The following PRMT8 variants were observed in gnomAD, a reference collection of about 807,000 sequenced individuals.
PRMT8 encodes the protein protein arginine methyltransferase 8, also known as protein arginine N-methyltransferase 8.
PRMT8 carries 7 observed loss-of-function variants against 47.1 expected under a neutral mutation model. The observed-to-expected ratio is 0.15, with a 90% CI of 0.08 to 0.28. The LOEUF is 0.28. Ranked by LOEUF, PRMT8 falls within the 10% of genes least tolerant of loss-of-function variation. The pLI, the probability that PRMT8 is intolerant of heterozygous loss-of-function variation, is 1.00. For missense variants in PRMT8, 237 were observed against 505.4 expected (o/e 0.47, Z 5.09); for synonymous variants, 188 against 186.5 (o/e 1.01, Z -0.07).
intron 1 of PRMT8, among the ~76,000 whole-genome samples, chr12:3,481,267 G>C (rs546945077): frequency 6.6e-6 from 1 of 152,304 alleles, no homozygotes; most frequent in African/African-American, 2.4e-5. Flanking sequence ...CCCTTGCATG[G>C]ATTGACCTTT....
chr12:3,550,159 C>T lies in PRMT8; in HGVS notation c.417+68C>T, dbSNP rs3741937. 53,486 of 1,582,500 alleles carry T rather than the reference C, an allele frequency of 0.034. 1,119 individuals carry two copies. The highest frequency in any genetic ancestry group is 0.086 in the East Asian group (3,822 of 44,306). ...CAGCCTCTTGCCCTCTGCCTCCACCCGCCCTTCTAGAAGTACAAAATTTGG... is the reference window on the plus strand; with the variant it reads ...CAGCCTCTTGCCCTCTGCCTCCACCTGCCCTTCTAGAAGTACAAAATTTGG... On this transcript the variant is annotated intron_variant, in intron 3 of 9. Coordinates refer to ENST00000382622, the MANE Select transcript of PRMT8 (RefSeq NM_019854.5). This position sits in a 1 kb window ranked among gnomAD's most constrained non-coding sequence, Gnocchi z 5.1.
Position 3,566,729 on chromosome 12 carries a change from G to T in PRMT8, c.482-1977G>T, listed in dbSNP as rs1167743930. ...GAAACTCAGATTCTAGGCAGATGTG[G>T]TTCTTTTGATTTTTACTCCTAAGTA... On this transcript the variant is annotated intron_variant, in intron 4 of 9. Coordinates refer to ENST00000382622, the MANE Select transcript of PRMT8 (RefSeq NM_019854.5). The surrounding 1 kb of genome is among the most constrained non-coding windows in gnomAD (Gnocchi z 4.7). 1.3e-5 allele frequency among the ~76,000 whole-genome samples: 2 copies of T among 152,160 alleles called. No individual in the cohort carries two copies. Among genetic ancestry groups the T allele is most frequent in the Non-Finnish European group, 2.9e-5 (2 of 68,028 alleles).
chr12:3,406,173 G>A (rs1864371068), intron 1 of PRMT8, among the ~76,000 whole-genome samples: 1 of 152,232 alleles, frequency 6.6e-6, no homozygotes, highest in Non-Finnish European at 1.5e-5. Context: ...GGCTTGAGCT[G>A]TACTTTGGCC....
At chr12:3,447,369 G>T (rs191181365) in intron 1 of PRMT8, among the ~76,000 whole-genome samples, 194 of 152,242 alleles carry the variant, frequency 1.3e-3, no homozygotes, top group Non-Finnish European at 1.8e-3. Flanking sequence ...TGTTGGGGGT[G>T]CACTCCAGTC....
chr12:3,585,247 T>C (rs1014971552), intron 8 of PRMT8, among the ~76,000 whole-genome samples: 30 of 149,866 alleles, frequency 2.0e-4, no homozygotes, highest in African/African-American at 7.4e-4. Context: ...GGTGAGGAGG[T>C]GAGTAGTTGT....
intron 4 of PRMT8, among the ~76,000 whole-genome samples, chr12:3,555,391 C>T (rs1281176042): frequency 6.6e-6 from 1 of 152,158 alleles, no homozygotes; most frequent in Non-Finnish European, 1.5e-5. Context: ...GCATCTCAGA[C>T]AGAAGTTACA....
chr12:3,397,738 C>A (rs1009092868), intron 1 of PRMT8, among the ~76,000 whole-genome samples: 5 of 152,056 alleles, frequency 3.3e-5, no homozygotes, highest in African/African-American at 1.2e-4. Flanking sequence ...GTGGGCTCCC[C>A]CCAGTTCGTG....
intron 1 of PRMT8, among the ~76,000 whole-genome samples, chr12:3,400,455 C>T (rs1864305030): frequency 6.6e-6 from 1 of 152,052 alleles, no homozygotes; most frequent in South Asian, 2.1e-4. Flanking sequence ...CAAGACAGAA[C>T]CAGGAAGAGA....
intron 1 of PRMT8, among the ~76,000 whole-genome samples, chr12:3,419,567 A>C (rs984033559): frequency 2.0e-5 from 3 of 151,976 alleles, no homozygotes; most frequent in Admixed American, 6.6e-5. Flanking sequence ...TTGCCTAAGC[A>C]ATCACCAAGA....
At chr12:3,547,642 C>T (rs967644371) in intron 2 of PRMT8, among the ~76,000 whole-genome samples, 33 of 152,248 alleles carry the variant, frequency 2.2e-4, no homozygotes, top group African/African-American at 7.9e-4. Context: ...TAGCCAGTCT[C>T]ATAACCCAGC....
intron 1 of PRMT8, among the ~76,000 whole-genome samples, chr12:3,473,396 G>C (rs7980335): frequency 0.072 from 11,017 of 152,200 alleles, 497 homozygotes; most frequent in Non-Finnish European, 0.1. Context: ...CAATGGTGCT[G>C]CCTCTGGTTC....
chr12:3,383,877 ATGCT>A (rs1405000941), intron 1 of PRMT8, among the ~76,000 whole-genome samples: 1 of 152,170 alleles, frequency 6.6e-6, no homozygotes, highest in Non-Finnish European at 1.5e-5. Flanking sequence ...GTCTGTGTTC[ATGCT>A]GGTATATGGT....
chr12:3,415,536 A>G (rs2137058234), intron 1 of PRMT8, among the ~76,000 whole-genome samples: 1 of 152,298 alleles, frequency 6.6e-6, no homozygotes, highest in Middle Eastern at 3.4e-3. Flanking sequence ...AGCATACAAA[A>G]ATACATCACT....
In PRMT8 at chr12:3,540,620, CTCCCA is replaced by C; in HGVS notation, c.91_95del (p.Ser31AlafsTer9). The C allele has an allele frequency of 2.6e-5, 32 of 1,231,696 alleles. No individual in the cohort carries two copies. The highest frequency in any genetic ancestry group is 3.2e-5 in the Non-Finnish European group (27 of 842,202). 76.3% of individuals were successfully genotyped at this position (1,231,696 alleles called of 1,614,324 possible). ...CTTCCCCTCAGGTGAACAGCCCCCC[CTCCCA>C]GCCCCCCCAGCCCGTCGTCCCTGCT... is the stretch of plus-strand genomic sequence containing the variant. On this transcript the variant is annotated frameshift_variant, in exon 2 of 10. Coordinates refer to ENST00000382622, the MANE Select transcript of PRMT8 (RefSeq NM_019854.5). LOFTEE classifies it high-confidence loss of function.
At chr12:3,487,906 A>T (rs1167132640), upstream of PRMT8, among the ~76,000 whole-genome samples, 1 of 152,210 alleles carries the variant, frequency 6.6e-6, no homozygotes, top group Non-Finnish European at 1.5e-5. Flanking sequence ...AAGAATCCTG[A>T]TGCCCAAACC....
intron 1 of PRMT8, among the ~76,000 whole-genome samples, chr12:3,451,507 G>A (rs1242076820): frequency 6.6e-6 from 1 of 152,150 alleles, no homozygotes; most frequent in East Asian, 1.9e-4. Flanking sequence ...TGGCATATTT[G>A]CTCTTGTTTT....
intron 1 of PRMT8, among the ~76,000 whole-genome samples, chr12:3,536,562 T>C (rs1005673245): frequency 2.6e-5 from 4 of 152,166 alleles, no homozygotes; most frequent in African/African-American, 7.2e-5. Flanking sequence ...TTTCCTCTCC[T>C]TAATATATTT....
At chr12:3,507,056 C>G (rs986562083) in intron 1 of PRMT8, among the ~76,000 whole-genome samples, 1 of 152,084 alleles carries the variant, frequency 6.6e-6, no homozygotes. Flanking sequence ...CAATTAGGGC[C>G]CCATTTGTCA....
chr12:3,477,031 G>A (rs903763282), intron 1 of PRMT8, among the ~76,000 whole-genome samples: 1 of 152,186 alleles, frequency 6.6e-6, no homozygotes, highest in Non-Finnish European at 1.5e-5. Context: ...GACTATAGGC[G>A]AGACCTCATT....
Sources: allele counts gnomAD v4.1 joint callset (sites outside exome capture counted in the v4.1 genomes callset), GRCh38; gene constraint gnomAD v4.1.1; non-coding constraint Gnocchi (gnomAD v3.1); transcripts MANE v1.5; gene names NCBI Gene and HGNC (gene_info 2026-07-23, HGNC 2026-07-21).